The following STX1B variants were observed in gnomAD, a reference collection of about 807,000 sequenced individuals.
STX1B encodes syntaxin 1B.
In STX1B, 7 loss-of-function variants were observed where a neutral mutation model predicts 39.4. The observed-to-expected ratio is 0.18, with a 90% CI of 0.10 to 0.33. STX1B has a LOEUF of 0.33. STX1B is among the 10% of genes least tolerant of loss of function. The pLI, the probability that STX1B is intolerant of heterozygous loss-of-function variation, is 1.00. For missense variants in STX1B, 198 were observed against 383.2 expected (o/e 0.52, Z 4.04); for synonymous variants, 136 against 144.1 (o/e 0.94, Z 0.40).
intron 7 of STX1B, among the ~76,000 whole-genome samples, chr16:30,994,248 C>T (rs1425817819): frequency 6.7e-6 from 1 of 150,146 alleles, no homozygotes; most frequent in Non-Finnish European, 1.5e-5. Context: ...GCCGAGATTG[C>T]GCCACTGCAC....
In STX1B at chr16:30,992,693, G is replaced by GGGGGA. The variant is rs1555493831; in HGVS notation, c.*127_*128insTCCCC. 1.9e-6 allele frequency: 1 copy of GGGGGA among 515,146 alleles called. No homozygotes were observed. Among genetic ancestry groups the GGGGGA allele is most frequent in the Non-Finnish European group, 3.4e-6 (1 of 295,592 alleles). The allele number at this position is 515,146 out of a possible 1,614,324, so 31.9% of individuals were successfully genotyped here. A position where few individuals can be genotyped will look rare whatever the true frequency, so the allele number is the denominator to read the frequency against. ...GTCCAGGGACACCAGGGTCTGCCGT[G>GGGGGA]GGGGTGGGGCTGCCTGGGTCTGTTT... On this transcript the variant is annotated 3_prime_UTR_variant, in exon 10 of 10. Coordinates refer to ENST00000215095, the MANE Select transcript of STX1B (RefSeq NM_052874.5).
intron 7 of STX1B, 69 bp from the exon 8 acceptor site, chr16:30,993,553 GC>G: frequency 6.3e-7 from 1 of 1,574,808 alleles, no homozygotes; most frequent in Non-Finnish European, 8.7e-7. Flanking sequence ...CAGTGGAGTG[GC>G]CAGGGTCAAA....
In STX1B at chr16:30,990,039, G is replaced by A. The variant is rs2056543052; in HGVS notation, c.*2782C>T. ...AACAAGCAGGCACATCATAGGATGT[G>A]GAGGACGCATAGAAAGGGCACAGCA... is the stretch of plus-strand genomic sequence containing the variant. On this transcript the variant is annotated 3_prime_UTR_variant, in exon 10 of 10. Transcript: ENST00000215095. 6.6e-6 allele frequency: 1 copy of A among 152,392 alleles called. No individual in the cohort carries two copies. The highest frequency in any genetic ancestry group is 1.5e-5 in the Non-Finnish European group (1 of 68,096). The allele number at this position is 152,392 out of a possible 1,614,324, so 9.4% of individuals were successfully genotyped here.
chr16:30,993,045 C>T (rs1231358027), intron 9 of STX1B, 85 bp downstream of exon 9: 2 of 1,423,798 alleles, frequency 1.4e-6, no homozygotes, highest in Non-Finnish European at 2.0e-6. Context: ...AGAGATAAGG[C>T]CTCCCGCCCG....
chr16:31,000,963 T>C lies in STX1B; in HGVS notation c.245A>G (p.Lys82Arg). 6.2e-7 allele frequency: 1 copy of C among 1,614,190 alleles called. No individual in the cohort carries two copies. Among genetic ancestry groups the C allele is most frequent in the Non-Finnish European group, 8.5e-7 (1 of 1,180,044 alleles). ...GGACCGAACCTTGTTGGCCGTCTTC[T>C]TGATGTCTGCAGTGAGATCCTCCAG... ...QELEDLTADIKKTANKVRSKL... is the reference protein window; with the variant it reads ...QELEDLTADIRKTANKVRSKL... Residue 82 changes from lysine to arginine, a missense_variant, in exon 4 of 10, where the codon AAG becomes AGG. Lys to Arg is a conservative substitution (Grantham distance 26). Transcript: ENST00000215095.
chr16:31,010,412 C>G lies in STX1B; in HGVS notation c.-16G>C. ...GATCCTTCATCCTGCGACGGCTCCT[C>G]CTCCTCCTCCTAGTCCTCCTGCCTC... is the stretch of plus-strand genomic sequence containing the variant. On this transcript the variant is annotated 5_prime_UTR_variant, in exon 1 of 10. Transcript: ENST00000215095. 1.3e-6 allele frequency: 2 copies of G among 1,482,120 alleles called. No individual in the cohort carries two copies. Among genetic ancestry groups the G allele is most frequent in the South Asian group, 2.8e-5 (2 of 72,484 alleles). 91.8% of individuals were successfully genotyped at this position (1,482,120 alleles called of 1,614,324 possible).
chr16:30,996,337 T>C (rs2056591886), intron 7 of STX1B: 1 of 230,046 alleles, frequency 4.3e-6, no homozygotes, highest in Non-Finnish European at 8.7e-6. Flanking sequence ...ATTCAAGTCC[T>C]GGCCCTCTCC....
intron 4 of STX1B, 39 bp from the exon 5 acceptor site, chr16:30,997,614 G>C: frequency 6.4e-7 from 1 of 1,564,052 alleles, no homozygotes; most frequent in Non-Finnish European, 8.7e-7. Flanking sequence ...GGGAGACCCG[G>C]GGCACATGGG....
Position 30,993,470 on chromosome 16 carries a change from T to C in STX1B, c.552A>G (p.Ser184=), listed in dbSNP as rs1175903041. The C allele has an allele frequency of 1.9e-6, 3 of 1,613,756 alleles. No individual in the cohort carries two copies. Among genetic ancestry groups the C allele is most frequent in the Non-Finnish European group, 2.5e-6 (3 of 1,180,040 alleles). Reference sequence around the variant, plus strand: ...CATTCAGCGCCTGCTTCGTCATCTGTGAGTCCATTTTGATCTAGGGTGACG... The same window carrying C: ...CATTCAGCGCCTGCTTCGTCATCTGCGAGTCCATTTTGATCTAGGGTGACG... ...AIFTDDIKMD[S]QMTKQALNEI... The change falls in exon 8 of 10, where the codon TCA becomes TCG. Residue 184 remains serine, a synonymous_variant. Transcript: ENST00000215095.
chr16:30,998,216 C>A (rs550083547), intron 4 of STX1B, among the ~76,000 whole-genome samples: 3 of 152,386 alleles, frequency 2.0e-5, no homozygotes, highest in Admixed American at 1.3e-4. Flanking sequence ...ATCAAGCACT[C>A]CTGACACTAT....
rs1406824071 is a variant in STX1B at position 31,001,264 on chromosome 16, G to A, written c.106-71C>T. On this transcript the variant is annotated intron_variant, in intron 2 of 9. Coordinates refer to ENST00000215095, the MANE Select transcript of STX1B (RefSeq NM_052874.5). This position sits in a 1 kb window ranked among gnomAD's most constrained non-coding sequence, Gnocchi z 5.5. ...CAACGGGTTCCAGGGGAACCAGCCA[G>A]GGTTCAGGGGAATGGACCAGCCCCA... 1 of 1,471,620 alleles carries A rather than the reference G, an allele frequency of 6.8e-7. No homozygotes were observed. The highest frequency in any genetic ancestry group is 1.4e-5 in the African/African-American group (1 of 72,352). 91.2% of individuals were successfully genotyped at this position (1,471,620 alleles called of 1,614,324 possible).
At chr16:30,997,183 A>T in intron 5 of STX1B, 124 bp from the exon 6 acceptor site, 1 of 703,866 alleles carries the variant, frequency 1.4e-6, no homozygotes, top group Non-Finnish European at 2.5e-6. Flanking sequence ...GGAAGCGCTG[A>T]ATTAGTTTAC....
In STX1B at chr16:30,992,598, G is replaced by C. The variant is rs1334932579; in HGVS notation, c.*223C>G. 3.9e-6 allele frequency: 2 copies of C among 513,668 alleles called. No homozygotes were observed. Among genetic ancestry groups the C allele is most frequent in the African/African-American group, 4.1e-5 (2 of 49,126 alleles). The allele number at this position is 513,668 out of a possible 1,614,324, so 31.8% of individuals were successfully genotyped here. ...GCATGTGCCGGCGGCATGCATGTTG[G>C]TGTGCATGTGTAATCACGCCTGCTG... On this transcript the variant is annotated 3_prime_UTR_variant, in exon 10 of 10. Coordinates refer to ENST00000215095, the MANE Select transcript of STX1B (RefSeq NM_052874.5).
chr16:30,999,789 T>C (rs1340473865), intron 4 of STX1B, among the ~76,000 whole-genome samples: 2 of 152,206 alleles, frequency 1.3e-5, no homozygotes, highest in Admixed American at 6.5e-5. Flanking sequence ...CTTTTTCTGG[T>C]GAACCTTCAT....
chr16:30,994,495 C>G (rs2056581282), intron 7 of STX1B, among the ~76,000 whole-genome samples: 1 of 149,240 alleles, frequency 6.7e-6, no homozygotes, highest in African/African-American at 2.5e-5. Flanking sequence ...GAAACTGAGG[C>G]AGAAGGATTG....
chr16:31,003,259 A>G (rs190127407), intron 1 of STX1B, among the ~76,000 whole-genome samples: 1 of 152,176 alleles, frequency 6.6e-6, no homozygotes, highest in African/African-American at 2.4e-5. Flanking sequence ...ATTTCCAGAC[A>G]ATCCCAACCA....
chr16:30,998,244 A>G (rs1400674270), intron 4 of STX1B, among the ~76,000 whole-genome samples: 5 of 152,260 alleles, frequency 3.3e-5, no homozygotes, highest in African/African-American at 9.6e-5. Flanking sequence ...ATTTTCTAAA[A>G]AAGAGATTGT....
intron 1 of STX1B, among the ~76,000 whole-genome samples, chr16:31,010,054 T>G (rs1007006739): frequency 6.6e-6 from 1 of 151,964 alleles, no homozygotes; most frequent in African/African-American, 2.4e-5. Flanking sequence ...CTCCTCCGGT[T>G]TCTCCTGATA....
At chr16:30,997,434 C>G (rs2056601142) in intron 5 of STX1B, 68 bp downstream of exon 5, 10 of 1,410,538 alleles carry the variant, frequency 7.1e-6, no homozygotes, top group South Asian at 1.2e-5. Context: ...CCTGGCCCGC[C>G]GGCCTCCAGC....
Sources: gnomAD v4.1 joint callset for allele counts (sites outside exome capture counted in the v4.1 genomes callset) on GRCh38, gnomAD v4.1.1 for gene constraint, Gnocchi (gnomAD v3.1) non-coding constraint, MANE v1.5 for transcripts, NCBI Gene and HGNC (gene_info 2026-07-23, HGNC 2026-07-21) for gene names.